HMBOX1: variants seen among roughly 807,000 people sequenced by gnomAD.
The protein encoded by HMBOX1 is homeobox-containing protein 1.
HMBOX1 carries 14 observed loss-of-function variants against 54.5 expected under a neutral mutation model. The ratio of observed to expected loss-of-function variants is 0.26; its 90% CI spans 0.17 to 0.40. The LOEUF (loss-of-function observed/expected upper bound fraction) is 0.40. Ranked by LOEUF, HMBOX1 falls within the 10% of genes least tolerant of loss-of-function variation. HMBOX1 has a pLI of 1.00. For synonymous variants in HMBOX1, 160 were observed against 181.0 expected (o/e 0.88, Z 0.93); for missense variants, 332 against 514.4 (o/e 0.65, Z 3.43).
At chr8:28,973,787 C>A (rs117976396) in intron 3 of HMBOX1, among the ~76,000 whole-genome samples, 1 of 136,850 alleles carries the variant, frequency 7.3e-6, no homozygotes, top group African/African-American at 2.7e-5. Flanking sequence ...CTAATAATTT[C>A]GAGATACATA....
At chr8:28,945,790 CA>C (rs1822321186) in intron 1 of HMBOX1, among the ~76,000 whole-genome samples, 1 of 151,064 alleles carries the variant, frequency 6.6e-6, no homozygotes, top group African/African-American at 2.4e-5. Flanking sequence ...CTCTGCCTTT[CA>C]TGGGGAAAAG....
In HMBOX1 at chr8:28,904,378, G is replaced by A. The variant is rs140782186; in HGVS notation, c.-58+13700G>A. Among the ~76,000 whole-genome samples the A allele has an allele frequency of 3.2e-3, 481 of 151,508 alleles. 3 individuals are homozygous for A. Among genetic ancestry groups the A allele is most frequent in the African/African-American group, 0.01 (426 of 41,282 alleles). ...TTCTCCTGCCTCAGCCTCCACAGGT[G>A]TGCGCCACCATGCCCAGCCGATTTT... On this transcript the variant is annotated intron_variant, in intron 1 of 9. Transcript: ENST00000287701.
At chr8:29,048,724 C>T (rs986041451) in intron 8 of HMBOX1, 30 of 447,420 alleles carry the variant, frequency 6.7e-5, no homozygotes, top group South Asian at 2.3e-4. Context: ...TTATGAAGCA[C>T]CTAACATGCA....
intron 1 of HMBOX1, among the ~76,000 whole-genome samples, chr8:28,926,259 C>T (rs904073728): frequency 5.3e-5 from 8 of 149,786 alleles, no homozygotes; most frequent in African/African-American, 1.5e-4. Context: ...TAGAGATAAA[C>T]ATATATGTAT....
intron 1 of HMBOX1, among the ~76,000 whole-genome samples, chr8:28,959,231 A>G (rs1402100049): frequency 6.6e-6 from 1 of 151,938 alleles, no homozygotes; most frequent in Admixed American, 6.6e-5. Context: ...TGCCAGCATC[A>G]TTATTCTTGA....
chr8:28,976,709 CTTTTTTTTTTT>C (rs749880362), intron 3 of HMBOX1, among the ~76,000 whole-genome samples: 1 of 135,808 alleles, frequency 7.4e-6, no homozygotes. Flanking sequence ...TCTTTTTTTT[CTTTTTTTTTTT>C]TTTTGAGATG....
At chr8:29,006,853 T>G (rs1397350039) in intron 4 of HMBOX1, among the ~76,000 whole-genome samples, 5 of 152,234 alleles carry the variant, frequency 3.3e-5, no homozygotes, top group African/African-American at 1.2e-4. Context: ...GCTGATAATA[T>G]ATTTTTTCTT....
chr8:28,924,079 A>T (rs938714584), intron 1 of HMBOX1, among the ~76,000 whole-genome samples: 3 of 150,762 alleles, frequency 2.0e-5, no homozygotes, highest in Non-Finnish European at 4.4e-5. Context: ...TTGTCTCATT[A>T]GAGTGGCCTT....
At chr8:28,995,239 G>C (rs985859447) in intron 4 of HMBOX1, among the ~76,000 whole-genome samples, 2 of 152,018 alleles carry the variant, frequency 1.3e-5, no homozygotes, top group Non-Finnish European at 2.9e-5. Flanking sequence ...ACAAACTTCC[G>C]GACATTTCAT....
At chr8:29,025,167 C>T (rs143269580) in intron 6 of HMBOX1, among the ~76,000 whole-genome samples, 2,045 of 151,728 alleles carry the variant, frequency 0.013, 14 homozygotes, top group Non-Finnish European at 0.021. Flanking sequence ...TGATAGATAT[C>T]AGAAAAAAAA....
intron 1 of HMBOX1, among the ~76,000 whole-genome samples, chr8:28,897,427 G>A (rs983217092): frequency 1.3e-5 from 2 of 151,996 alleles, no homozygotes; most frequent in African/African-American, 4.8e-5. Flanking sequence ...CGGTAATCCC[G>A]GCACTTTGGG....
At chr8:29,044,061 G>A (rs1283597423) in intron 6 of HMBOX1, among the ~76,000 whole-genome samples, 1 of 152,096 alleles carries the variant, frequency 6.6e-6, no homozygotes, top group Non-Finnish European at 1.5e-5. Context: ...CATCAGATGA[G>A]GTTAAATAAA....
chr8:28,931,956 G>C (rs956431944), intron 1 of HMBOX1, among the ~76,000 whole-genome samples: 4 of 152,156 alleles, frequency 2.6e-5, no homozygotes, highest in Admixed American at 2.6e-4. Context: ...TCTCTACTTT[G>C]ATAAGGTTGG....
intron 6 of HMBOX1, among the ~76,000 whole-genome samples, chr8:29,038,471 T>A (rs1804278533): frequency 6.6e-6 from 1 of 152,220 alleles, no homozygotes; most frequent in Non-Finnish European, 1.5e-5. Flanking sequence ...ACTAGAAGTA[T>A]GTTTTGAGCT....
chr8:28,977,931 G>C (rs942398382), intron 3 of HMBOX1, among the ~76,000 whole-genome samples: 2 of 148,726 alleles, frequency 1.3e-5, no homozygotes, highest in African/African-American at 5.0e-5. Context: ...GCGACTGAGC[G>C]AGACTCTGTC....
intron 6 of HMBOX1, among the ~76,000 whole-genome samples, 177 bp from the exon 7 acceptor site, chr8:29,045,184 G>C (rs1222845845): frequency 1.3e-5 from 2 of 152,134 alleles, no homozygotes; most frequent in Non-Finnish European, 2.9e-5. Flanking sequence ...TGTGAGTTGT[G>C]GCTACCATAC....
chr8:29,051,101 A>C lies in HMBOX1; in HGVS notation c.1209A>C (p.Ala403=). 6.2e-7 allele frequency: 1 copy of C among 1,613,916 alleles called. No homozygotes were observed. Among genetic ancestry groups the C allele is most frequent in the Non-Finnish European group, 8.5e-7 (1 of 1,179,988 alleles). ...EMAAVNHTIL[A]LARQGANEIK... ...CAGCAGTCAACCACACTATCTTGGC[A>C]TTGGCCCGACAAGGAGCCAACGAAA... Residue 403 remains alanine, a synonymous_variant, in exon 10 of 10, where the codon GCA becomes GCC. Coordinates refer to ENST00000287701, the MANE Select transcript of HMBOX1 (RefSeq NM_001135726.3).
At chr8:29,002,274 C>T (rs1832773693) in intron 4 of HMBOX1, among the ~76,000 whole-genome samples, 1 of 152,140 alleles carries the variant, frequency 6.6e-6, no homozygotes, top group Non-Finnish European at 1.5e-5. Flanking sequence ...GCTAGCTTCT[C>T]CCACAACTAG....
intron 1 of HMBOX1, among the ~76,000 whole-genome samples, chr8:28,957,155 C>T (rs1377561288): frequency 6.6e-6 from 1 of 152,094 alleles, no homozygotes; most frequent in Admixed American, 6.6e-5. Flanking sequence ...CAAAGACATG[C>T]AATCAGCGTA....
Sources: gnomAD v4.1 joint callset for allele counts (sites outside exome capture counted in the v4.1 genomes callset) on GRCh38, gnomAD v4.1.1 for gene constraint, MANE v1.5 for transcripts, NCBI Gene and HGNC (gene_info 2026-07-23, HGNC 2026-07-21) for gene names.